The following CDH13 variants were observed in gnomAD, a reference collection of about 807,000 sequenced individuals.
CDH13 encodes cadherin 13, also known as cadherin-13.
CDH13 carries 24 observed loss-of-function variants against 63.8 expected under a neutral mutation model. That is an observed-to-expected ratio of 0.38 (90% CI 0.27 to 0.53). The LOEUF (loss-of-function observed/expected upper bound fraction) is 0.53. CDH13 is among the 20% of genes least tolerant of loss of function. The pLI is 0.85. For synonymous variants in CDH13, 503 were observed against 355.3 expected (o/e 1.42, Z -4.67); for missense variants, 1,049 against 903.1 (o/e 1.16, Z -2.07).
chr16:83,325,501 C>A (rs1459476683), intron 5 of CDH13, among the ~76,000 whole-genome samples: 6 of 152,146 alleles, frequency 3.9e-5, no homozygotes, highest in Admixed American at 3.9e-4. Context: ...GTCATGCAGA[C>A]CCTTTCTGCT....
intron 3 of CDH13, among the ~76,000 whole-genome samples, chr16:83,077,475 G>A (rs1244187033): frequency 6.6e-6 from 1 of 151,860 alleles, no homozygotes; most frequent in Non-Finnish European, 1.5e-5. Context: ...TTACAGGTGT[G>A]AGCCATCACA....
At chr16:83,546,429 G>T (rs987002930) in intron 7 of CDH13, among the ~76,000 whole-genome samples, 19 of 143,552 alleles carry the variant, frequency 1.3e-4, no homozygotes, top group South Asian at 4.4e-4. Flanking sequence ...CATACTACTG[G>T]TTTTTTTTTT....
intron 1 of CDH13, among the ~76,000 whole-genome samples, chr16:82,703,060 G>A (rs897858519): frequency 1.3e-5 from 2 of 152,118 alleles, no homozygotes; most frequent in African/African-American, 4.8e-5. Context: ...ATGAATGCTT[G>A]CAAACATGCA....
chr16:82,713,041 G>A (rs1262005585), intron 1 of CDH13, among the ~76,000 whole-genome samples: 3 of 99,934 alleles, frequency 3.0e-5, no homozygotes, highest in Non-Finnish European at 4.7e-5. Context: ...ATAGAACCCC[G>A]GCGTGTGTGT....
At chr16:83,308,952 A>C (rs1432991091) in intron 5 of CDH13, among the ~76,000 whole-genome samples, 3 of 152,208 alleles carry the variant, frequency 2.0e-5, no homozygotes, top group African/African-American at 7.2e-5. Context: ...GATGAAGGGA[A>C]AGAGGGCACC....
chr16:82,777,666 C>T (rs944643453), intron 1 of CDH13, among the ~76,000 whole-genome samples: 8 of 152,196 alleles, frequency 5.3e-5, no homozygotes, highest in African/African-American at 9.7e-5. Flanking sequence ...ATGGGTGCAG[C>T]TTAGCTGGGT....
At chr16:83,171,767 A>G (rs773961232) in intron 4 of CDH13, among the ~76,000 whole-genome samples, 7 of 152,130 alleles carry the variant, frequency 4.6e-5, no homozygotes, top group Non-Finnish European at 1.0e-4. Flanking sequence ...TTCAGGTAGT[A>G]TTGTAGGAAG....
At chr16:83,067,560 A>C (rs1026952722) in intron 3 of CDH13, among the ~76,000 whole-genome samples, 1 of 152,186 alleles carries the variant, frequency 6.6e-6, no homozygotes, top group African/African-American at 2.4e-5. Flanking sequence ...ATGTTTTACA[A>C]CCTCCACAAA....
intron 6 of CDH13, among the ~76,000 whole-genome samples, chr16:83,395,726 A>C (rs1463225668): frequency 6.6e-6 from 1 of 152,196 alleles, no homozygotes; most frequent in Non-Finnish European, 1.5e-5. Flanking sequence ...GTTGAAACTG[A>C]AGGCGGCTGA....
chr16:83,179,281 A>G (rs952203863), intron 4 of CDH13, among the ~76,000 whole-genome samples: 3 of 152,098 alleles, frequency 2.0e-5, no homozygotes, highest in African/African-American at 7.2e-5. Flanking sequence ...CCCTAGCACT[A>G]CAAGCTATTA....
chr16:83,730,753 T>C (rs1910949834), intron 10 of CDH13, among the ~76,000 whole-genome samples: 1 of 152,156 alleles, frequency 6.6e-6, no homozygotes, highest in African/African-American at 2.4e-5. Flanking sequence ...GGGGTATGAG[T>C]GATCCCATCA....
At chr16:83,459,927 G>T (rs2073131551) in intron 6 of CDH13, among the ~76,000 whole-genome samples, 1 of 152,178 alleles carries the variant, frequency 6.6e-6, no homozygotes, top group South Asian at 2.1e-4. Context: ...TATGCAACAG[G>T]TTCTTCCATG....
At chr16:83,129,183 G>C (rs1210623886) in intron 4 of CDH13, among the ~76,000 whole-genome samples, 1 of 152,152 alleles carries the variant, frequency 6.6e-6, no homozygotes, top group African/African-American at 2.4e-5. Context: ...CAGGGAGAAG[G>C]GAAGGAAGAC....
intron 5 of CDH13, among the ~76,000 whole-genome samples, chr16:83,267,682 C>T (rs919176774): frequency 6.6e-6 from 1 of 152,162 alleles, no homozygotes; most frequent in African/African-American, 2.4e-5. Flanking sequence ...TGATGCCTTT[C>T]ACAACATTAC....
intron 1 of CDH13, among the ~76,000 whole-genome samples, chr16:82,717,060 G>A (rs1253431256): frequency 1.3e-5 from 2 of 151,988 alleles, no homozygotes; most frequent in Non-Finnish European, 1.5e-5. Context: ...CCTTGCTGAA[G>A]TTAGTCACAC....
At chr16:82,693,074 C>G (rs1915793215) in intron 1 of CDH13, among the ~76,000 whole-genome samples, 2 of 152,150 alleles carry the variant, frequency 1.3e-5, no homozygotes, top group African/African-American at 4.8e-5. Flanking sequence ...TGGGGGTGGC[C>G]TCCTACCAAG....
intron 1 of CDH13, among the ~76,000 whole-genome samples, chr16:82,676,896 G>GTTTTGT (rs370108283): frequency 0.039 from 5,719 of 147,128 alleles, 383 homozygotes; most frequent in African/African-American, 0.14. Flanking sequence ...GTTTTGTTTT[G>GTTTTGT]TTTTTTTCAA....
chr16:83,276,049 C>T (rs1167799734), intron 5 of CDH13, among the ~76,000 whole-genome samples: 1 of 152,050 alleles, frequency 6.6e-6, no homozygotes, highest in Admixed American at 6.6e-5. Flanking sequence ...AACCTGAACA[C>T]CTAGGCCAAG....
At chr16:83,027,114 C>A (rs914710314) in intron 2 of CDH13, among the ~76,000 whole-genome samples, 12 of 127,612 alleles carry the variant, frequency 9.4e-5, no homozygotes, top group South Asian at 2.8e-4. Context: ...CCCCCCCCCC[C>A]ACCGCCCCGC....
Sources: allele counts gnomAD v4.1 joint callset (sites outside exome capture counted in the v4.1 genomes callset), GRCh38; gene constraint gnomAD v4.1.1; transcripts MANE v1.5; gene names NCBI Gene and HGNC (gene_info 2026-07-23, HGNC 2026-07-21).